Variants in GRHL2 observed in about 807,000 individuals in gnomAD.
GRHL2 encodes grainyhead-like protein 2 homolog.
In GRHL2, 21 loss-of-function variants were observed where a neutral mutation model predicts 83.8. That is an observed-to-expected ratio of 0.25 (90% confidence interval 0.18 to 0.36). The LOEUF is 0.36. GRHL2 is among the 10% of genes least tolerant of loss of function. The probability of loss-of-function intolerance (pLI) is 1.00; values close to 1 mark genes in which losing one functional copy is unlikely to be tolerated. For synonymous variants in GRHL2, 280 were observed against 278.9 expected (o/e 1.00, Z -0.04); for missense variants, 623 against 781.8 (o/e 0.80, Z 2.42).
intron 8 of GRHL2, among the ~76,000 whole-genome samples, chr8:101,609,191 A>AGAG (rs1238861964): frequency 6.0e-5 from 9 of 150,450 alleles, no homozygotes; most frequent in Non-Finnish European, 1.3e-4. Flanking sequence ...GAGTAAGAGC[A>AGAG]GAGAAGAAGA....
intron 14 of GRHL2, among the ~76,000 whole-genome samples, chr8:101,659,490 C>T (rs1472070240): frequency 6.6e-6 from 1 of 152,116 alleles, no homozygotes; most frequent in Non-Finnish European, 1.5e-5. Context: ...TTCCAGTCAC[C>T]AGCTCTGTTA....
At chr8:101,526,741 T>A (rs1586421110) in intron 1 of GRHL2, among the ~76,000 whole-genome samples, 2 of 152,282 alleles carry the variant, frequency 1.3e-5, no homozygotes, top group Non-Finnish European at 1.5e-5. Flanking sequence ...CAACTCCTAC[T>A]CAAAGCACTG....
intron 3 of GRHL2, among the ~76,000 whole-genome samples, chr8:101,555,888 T>G (rs973299064): frequency 1.3e-5 from 2 of 152,248 alleles, no homozygotes; most frequent in African/African-American, 2.4e-5. Context: ...TGCTTGGTAC[T>G]TAGGCAAGCT....
chr8:101,675,296 A>G, the GRHL2 span, among the ~76,000 whole-genome samples: 1 of 152,164 alleles, frequency 6.6e-6, no homozygotes, highest in African/African-American at 2.4e-5. Context: ...ACATGATTGT[A>G]TATCTAGAAA....
intron 8 of GRHL2, among the ~76,000 whole-genome samples, chr8:101,601,159 A>AAC (rs5893575): frequency 0.12 from 17,067 of 136,916 alleles, 1,801 homozygotes; most frequent in African/African-American, 0.32. Context: ...GACTGTCTTA[A>AAC]ACACACACAC....
intron 12 of GRHL2, among the ~76,000 whole-genome samples, chr8:101,643,044 T>C (rs555742410): frequency 6.6e-6 from 1 of 152,320 alleles, no homozygotes; most frequent in South Asian, 2.1e-4. Flanking sequence ...ACAGTTCTGC[T>C]GAGCTACCCA....
intron 1 of GRHL2, among the ~76,000 whole-genome samples, chr8:101,505,445 T>A (rs1810318169): frequency 1.3e-5 from 2 of 151,790 alleles, no homozygotes; most frequent in African/African-American, 4.8e-5. Context: ...GATGTGGTGG[T>A]CCATGCCTGT....
At chr8:101,605,788 C>A (rs1361727695) in intron 8 of GRHL2, among the ~76,000 whole-genome samples, 1 of 152,228 alleles carries the variant, frequency 6.6e-6, no homozygotes, top group African/African-American at 2.4e-5. Flanking sequence ...AGCTCCTCTG[C>A]ATAATTCTTA....
At chr8:101,529,855 G>T (rs1363070246) in intron 1 of GRHL2, among the ~76,000 whole-genome samples, 1 of 152,112 alleles carries the variant, frequency 6.6e-6, no homozygotes, top group African/African-American at 2.4e-5. Flanking sequence ...AGGGTCCTTT[G>T]TATATATACA....
intron 1 of GRHL2, among the ~76,000 whole-genome samples, chr8:101,515,402 A>G (rs1308708327): frequency 6.6e-6 from 1 of 152,154 alleles, no homozygotes; most frequent in African/African-American, 2.4e-5. Context: ...CTACAGGTTT[A>G]CTTAAGTCAC....
At chr8:101,619,400 A>G in intron 8 of GRHL2, 139 bp from the exon 9 acceptor site, 1 of 702,194 alleles carries the variant, frequency 1.4e-6, no homozygotes, top group Non-Finnish European at 2.5e-6. Flanking sequence ...GCATGTTTTT[A>G]TGTGAAAAGA....
intron 12 of GRHL2, among the ~76,000 whole-genome samples, chr8:101,637,181 C>A (rs1337820496): frequency 6.6e-6 from 1 of 152,162 alleles, no homozygotes; most frequent in Non-Finnish European, 1.5e-5. Context: ...GAATAACTAG[C>A]TGTTTTTCTA....
chr8:101,619,501 A>G, intron 8 of GRHL2, 38 bp from the exon 9 acceptor site: 1 of 1,601,956 alleles, frequency 6.2e-7, no homozygotes, highest in Middle Eastern at 1.7e-4. Context: ...CATTCTTTTT[A>G]TGTTGACTTG....
intron 2 of GRHL2, among the ~76,000 whole-genome samples, chr8:101,544,502 T>C (rs1027788484): frequency 1.3e-5 from 2 of 152,244 alleles, no homozygotes; most frequent in African/African-American, 4.8e-5. Context: ...TAAAGAACTA[T>C]GCCTGGTATG....
chr8:101,646,074 C>G (rs1264901425), intron 13 of GRHL2, among the ~76,000 whole-genome samples: 2 of 152,010 alleles, frequency 1.3e-5, no homozygotes, highest in Non-Finnish European at 2.9e-5. Context: ...ACTATGTTGT[C>G]CAGGCTGGTC....
At chr8:101,666,242 A>G (rs143413045) in intron 15 of GRHL2, among the ~76,000 whole-genome samples, 2 of 152,310 alleles carry the variant, frequency 1.3e-5, no homozygotes, top group African/African-American at 4.8e-5. Context: ...GTTTACTGAA[A>G]AGAGTTAGAG....
chr8:101,629,807 A>T (rs767685804), intron 9 of GRHL2, among the ~76,000 whole-genome samples: 2 of 152,152 alleles, frequency 1.3e-5, no homozygotes, highest in Non-Finnish European at 2.9e-5. Context: ...TGAAGATCGT[A>T]TCTGCGCATT....
chr8:101,672,538 G>A (rs1814227590), downstream of GRHL2, among the ~76,000 whole-genome samples: 1 of 151,722 alleles, frequency 6.6e-6, no homozygotes, highest in Admixed American at 6.6e-5. Flanking sequence ...AAGCCTCCAA[G>A]AAATATGGGA....
chr8:101,678,617 C>A, the GRHL2 span, among the ~76,000 whole-genome samples: 4 of 151,242 alleles, frequency 2.6e-5, no homozygotes, highest in Non-Finnish European at 5.9e-5. Flanking sequence ...GTAGGCTCCA[C>A]CTCTGGGGGC....
Sources: gnomAD v4.1 joint callset for allele counts (sites outside exome capture counted in the v4.1 genomes callset) on GRCh38, gnomAD v4.1.1 for gene constraint, MANE v1.5 for transcripts, NCBI Gene and HGNC (gene_info 2026-07-23, HGNC 2026-07-21) for gene names.